Variants in TCF12 observed in about 807,000 individuals in gnomAD.
The protein encoded by TCF12 is transcription factor 12, also known as DNA-binding protein HTF4.
In TCF12, 45 loss-of-function variants were observed where a neutral mutation model predicts 86.0. That is an observed-to-expected ratio of 0.52 (90% confidence interval 0.41 to 0.67). TCF12 has a LOEUF of 0.67. Ranked by LOEUF, TCF12 falls within the 30% of genes least tolerant of loss-of-function variation. The pLI, the probability that TCF12 is intolerant of heterozygous loss-of-function variation, is 0.00. For synonymous variants in TCF12, 330 were observed against 299.6 expected, an observed-to-expected ratio of 1.10 and a Z score of -1.05; for missense variants, 881 against 859.9, an observed-to-expected ratio of 1.02 and a Z score of -0.31.
intron 5 of TCF12, among the ~76,000 whole-genome samples, chr15:57,146,109 C>T (rs1246901677): frequency 1.3e-5 from 2 of 152,056 alleles, no homozygotes; most frequent in African/African-American, 2.4e-5. Context: ...ATTGTTATTA[C>T]ATATACCCTT....
At chr15:57,033,280 A>G (rs866923822) in intron 3 of TCF12, among the ~76,000 whole-genome samples, 2 of 152,224 alleles carry the variant, frequency 1.3e-5, no homozygotes, top group Non-Finnish European at 2.9e-5. Context: ...GCTGAAAACT[A>G]TGATTGTGTT....
In TCF12 at chr15:57,191,327, G is replaced by A. The variant is rs553271321; in HGVS notation, c.391-831G>A. Among the ~76,000 whole-genome samples, 59 of 152,248 alleles carry A rather than the reference G, an allele frequency of 3.9e-4. 1 individual carries two copies. The highest frequency in any genetic ancestry group is 1.2e-3 in the Admixed American group (19 of 15,288). ...AAAAACTTAAAAATTAGCTGGGTGTGGTGGCACATGCCTGTAGTCCTAGCT... is the reference window on the plus strand; with the variant it reads ...AAAAACTTAAAAATTAGCTGGGTGTAGTGGCACATGCCTGTAGTCCTAGCT... On this transcript the variant is annotated intron_variant, in intron 6 of 20. Transcript: ENST00000333725.
chr15:57,231,012 C>A, intron 8 of TCF12, 140 bp from the exon 9 acceptor site: 1 of 575,700 alleles, frequency 1.7e-6, no homozygotes, highest in Non-Finnish European at 3.0e-6. Context: ...TGGATTTAGG[C>A]AGTATTCTTT....
intron 3 of TCF12, among the ~76,000 whole-genome samples, chr15:56,924,855 C>T (rs1300166237): frequency 6.6e-6 from 1 of 152,126 alleles, no homozygotes; most frequent in East Asian, 1.9e-4. Flanking sequence ...AAATTAGAGA[C>T]AAGATTACAA....
chr15:57,083,969 T>C (rs529107520), intron 4 of TCF12, among the ~76,000 whole-genome samples: 1 of 152,326 alleles, frequency 6.6e-6, no homozygotes, highest in East Asian at 1.9e-4. Context: ...ACATTTAATA[T>C]ATGGGACTGG....
intron 16 of TCF12, among the ~76,000 whole-genome samples, chr15:57,253,862 C>A (rs1286669221): frequency 6.6e-6 from 1 of 152,160 alleles, no homozygotes; most frequent in Non-Finnish European, 1.5e-5. Context: ...GTAATTTATA[C>A]AGATCCAAAT....
At chr15:57,087,429 TTA>T (rs1186513458) in intron 4 of TCF12, among the ~76,000 whole-genome samples, 1 of 146,748 alleles carries the variant, frequency 6.8e-6, no homozygotes, top group Non-Finnish European at 1.5e-5. Context: ...AAAAAAAAAT[TTA>T]TATATATATA....
At chr15:56,926,995 G>C (rs2060043738) in intron 3 of TCF12, among the ~76,000 whole-genome samples, 1 of 152,122 alleles carries the variant, frequency 6.6e-6, no homozygotes, top group South Asian at 2.1e-4. Flanking sequence ...AGGATGAGCT[G>C]GTGAAGGGTT....
intron 19 of TCF12, among the ~76,000 whole-genome samples, chr15:57,277,889 A>G (rs530136524): frequency 1.3e-5 from 2 of 151,942 alleles, no homozygotes; most frequent in African/African-American, 4.8e-5. Context: ...GCAGTGAGCT[A>G]TGGTTGTAGC....
intron 12 of TCF12, among the ~76,000 whole-genome samples, chr15:57,242,014 G>A (rs1167117012): frequency 3.3e-5 from 5 of 151,464 alleles, no homozygotes; most frequent in South Asian, 4.2e-4. Context: ...AATGAAATTC[G>A]TAAATTGTGA....
At chr15:56,934,783 G>T (rs1460818506) in intron 3 of TCF12, among the ~76,000 whole-genome samples, 2 of 152,134 alleles carry the variant, frequency 1.3e-5, no homozygotes, top group East Asian at 3.9e-4. Flanking sequence ...CCCAGTGCCG[G>T]TAGAGCCATT....
At chr15:57,125,536 CTTA>C (rs1216961536) in intron 5 of TCF12, among the ~76,000 whole-genome samples, 1 of 152,182 alleles carries the variant, frequency 6.6e-6, no homozygotes, top group Non-Finnish European at 1.5e-5. Flanking sequence ...AGCCTTTAAA[CTTA>C]AAGATACCAG....
chr15:57,111,327 A>G (rs556336371), intron 5 of TCF12, among the ~76,000 whole-genome samples: 2 of 152,284 alleles, frequency 1.3e-5, no homozygotes, highest in Non-Finnish European at 2.9e-5. Context: ...TCTTAAAAGA[A>G]AAATTTCGGG....
intron 3 of TCF12, among the ~76,000 whole-genome samples, chr15:56,953,254 T>C (rs2061360653): frequency 6.6e-6 from 1 of 152,104 alleles, no homozygotes; most frequent in African/African-American, 2.4e-5. Context: ...ATTTGTTAAA[T>C]TTTATTTAGA....
At chr15:57,224,824 CAGTCTT>C (rs1163501271) in intron 8 of TCF12, among the ~76,000 whole-genome samples, 7 of 152,120 alleles carry the variant, frequency 4.6e-5, no homozygotes, top group Non-Finnish European at 1.0e-4. Flanking sequence ...GTGCCTGAGT[CAGTCTT>C]TGTACTTCAG....
chr15:57,120,785 G>A (rs184720510), intron 5 of TCF12, among the ~76,000 whole-genome samples: 108 of 152,278 alleles, frequency 7.1e-4, no homozygotes, highest in African/African-American at 2.5e-3. Context: ...AGGAAAGTGA[G>A]ACATTCTTTA....
intron 4 of TCF12, among the ~76,000 whole-genome samples, chr15:57,087,221 T>C (rs1412074157): frequency 1.3e-5 from 2 of 151,798 alleles, no homozygotes; most frequent in African/African-American, 4.8e-5. Context: ...AAGACTAGCC[T>C]GGACAACATA....
intron 3 of TCF12, among the ~76,000 whole-genome samples, chr15:56,927,764 A>G (rs1478984043): frequency 6.6e-6 from 1 of 152,236 alleles, no homozygotes; most frequent in Non-Finnish European, 1.5e-5. Context: ...TCCCTTAGGG[A>G]AATGAACACA....
chr15:57,014,862 TTTATTATTATTATTA>T (rs139828642), intron 3 of TCF12, among the ~76,000 whole-genome samples: 5 of 145,394 alleles, frequency 3.4e-5, no homozygotes, highest in East Asian at 2.0e-4. Flanking sequence ...TCTCTGGACC[TTTATTATTATTATTA>T]TTATTATTAT....
Sources: allele counts gnomAD v4.1 joint callset (sites outside exome capture counted in the v4.1 genomes callset), GRCh38; gene constraint gnomAD v4.1.1; transcripts MANE v1.5; gene names NCBI Gene and HGNC (gene_info 2026-07-23, HGNC 2026-07-21).